The following FFAR4 variants were observed in gnomAD, a reference collection of about 807,000 sequenced individuals.
FFAR4 encodes the protein G-protein coupled receptor 120.
FFAR4 carries 19 observed loss-of-function variants against 27.0 expected under a neutral mutation model. The observed-to-expected ratio is 0.70, with a 90% CI of 0.49 to 1.03. FFAR4 has a LOEUF of 1.03. Ranked by LOEUF, FFAR4 falls within the 50% of genes least tolerant of loss-of-function variation. The pLI is 0.00. For synonymous variants in FFAR4, 254 were observed against 215.6 expected (o/e 1.18, Z -1.56); for missense variants, 476 against 479.0 (o/e 0.99, Z 0.06).
chr10:93,570,155 C>T (rs2134540252), intron 1 of FFAR4, among the ~76,000 whole-genome samples: 1 of 151,066 alleles, frequency 6.6e-6, no homozygotes, highest in South Asian at 2.1e-4. Context: ...GCCACATCCA[C>T]CTCATCTCTC....
At chr10:93,574,262 T>G (rs1460372272) in intron 1 of FFAR4, among the ~76,000 whole-genome samples, 1 of 152,190 alleles carries the variant, frequency 6.6e-6, no homozygotes, top group South Asian at 2.1e-4. Flanking sequence ...ACAAAAGTCT[T>G]GCTAACCCTG....
At chr10:93,585,690 C>G (rs193202793) in intron 2 of FFAR4, among the ~76,000 whole-genome samples, 1 of 152,298 alleles carries the variant, frequency 6.6e-6, no homozygotes, top group East Asian at 1.9e-4. Context: ...TTGCCCCCTT[C>G]TGTTGGTCAT....
chr10:93,585,504 A>G (rs1438614986), intron 2 of FFAR4, among the ~76,000 whole-genome samples: 4 of 152,126 alleles, frequency 2.6e-5, no homozygotes, highest in African/African-American at 7.2e-5. Context: ...TCATTTTTTG[A>G]TTATTTTACA....
intron 1 of FFAR4, among the ~76,000 whole-genome samples, chr10:93,575,812 A>G (rs1039974155): frequency 6.6e-6 from 1 of 152,204 alleles, no homozygotes; most frequent in East Asian, 1.9e-4. Flanking sequence ...GACCACACCT[A>G]GGAACCGACT....
intron 2 of FFAR4, among the ~76,000 whole-genome samples, chr10:93,583,973 T>C (rs990744082): frequency 5.3e-5 from 8 of 152,332 alleles, no homozygotes; most frequent in African/African-American, 1.9e-4. Flanking sequence ...ATGAAGCTGC[T>C]GTCAGAATCA....
rs771965298 is a variant in FFAR4 at position 93,587,282 on chromosome 10, C to G, written c.759C>G (p.Ile253Met). 2 of 1,614,162 alleles carry G rather than the reference C, an allele frequency of 1.2e-6. No individual in the cohort carries two copies. The highest frequency in any genetic ancestry group is 1.7e-6 in the Non-Finnish European group (2 of 1,180,006). Residue 253 changes from isoleucine to methionine, a missense_variant, in exon 3 of 3, where the codon ATC (isoleucine) becomes ATG (methionine). Coordinates refer to ENST00000371481, the MANE Select transcript of FFAR4 (RefSeq NM_001195755.2). ...VSLAYSESHQ[I>M]RVSQQDFRLF... ...TGGCCTACTCGGAGAGCCACCAGAT[C>G]CGCGTGTCCCAGCAGGACTTCCGGC... is the stretch of plus-strand genomic sequence containing the variant.
At chr10:93,586,806 C>A (rs182081077) in intron 2 of FFAR4, among the ~76,000 whole-genome samples, 116 of 152,300 alleles carry the variant, frequency 7.6e-4, no homozygotes, top group African/African-American at 2.6e-3. Flanking sequence ...ACGTTAGTCA[C>A]CTCCCAGGGT....
At chr10:93,572,914 G>A (rs2058140332) in intron 1 of FFAR4, among the ~76,000 whole-genome samples, 1 of 152,218 alleles carries the variant, frequency 6.6e-6, no homozygotes, top group Non-Finnish European at 1.5e-5. Context: ...AGACTGGGAT[G>A]AGGCAGAACA....
chr10:93,570,133 T>C (rs1389488967), intron 1 of FFAR4, among the ~76,000 whole-genome samples: 1 of 151,778 alleles, frequency 6.6e-6, no homozygotes, highest in Non-Finnish European at 1.5e-5. Flanking sequence ...TTGTCTTCTT[T>C]CCTACCTGTC....
Position 93,567,016 on chromosome 10 carries a change from G to T in FFAR4, c.296G>T (p.Arg99Leu). Residue 99 changes from arginine (R) to leucine (L), a missense_variant, in exon 1 of 3, where the codon CGC (arginine) becomes CTC (leucine). Physicochemically the swap from Arg to Leu is moderately radical, Grantham distance 102 (BLOSUM62 -2). Coordinates refer to ENST00000371481, the MANE Select transcript of FFAR4 (RefSeq NM_001195755.2). ...GCTATCCCTCTGGTGCTGGCCGTGC[G>T]CTGGACTGAGGCCTGGCTGCTGGGC... Reference protein sequence around the residue: ...ISAIPLVLAVRWTEAWLLGPV... With the variant: ...ISAIPLVLAVLWTEAWLLGPV... The T allele has an allele frequency of 1.2e-6, 2 of 1,611,744 alleles. No homozygotes were observed. Among genetic ancestry groups the T allele is most frequent in the South Asian group, 1.1e-5 (1 of 91,070 alleles).
chr10:93,581,251 T>A (rs2058195717), intron 2 of FFAR4, among the ~76,000 whole-genome samples: 1 of 152,200 alleles, frequency 6.6e-6, no homozygotes, highest in Non-Finnish European at 1.5e-5. Flanking sequence ...AGAAACAAAA[T>A]CTGTTTCCGC....
rs2058249697 is a variant in FFAR4 at position 93,589,454 on chromosome 10, T to C, written c.*1845T>C. On this transcript the variant is annotated 3_prime_UTR_variant, in exon 3 of 3. Coordinates refer to ENST00000371481, the MANE Select transcript of FFAR4 (RefSeq NM_001195755.2). ...GACTTGTAAATATACCTTGGGAAGGTAAAACAAAGATGATTTATTGATGGG... is the reference window on the plus strand; with the variant it reads ...GACTTGTAAATATACCTTGGGAAGGCAAAACAAAGATGATTTATTGATGGG... The C allele has an allele frequency of 6.6e-6, 1 of 151,994 alleles. No individual in the cohort carries two copies. The highest frequency in any genetic ancestry group is 1.5e-5 in the Non-Finnish European group (1 of 68,002). 9.4% of individuals were successfully genotyped at this position (151,994 alleles called of 1,614,324 possible). A position where few individuals can be genotyped will look rare whatever the true frequency, so the allele number is the denominator to read the frequency against.
At chr10:93,586,689 T>C (rs1447038710) in intron 2 of FFAR4, among the ~76,000 whole-genome samples, 1 of 152,152 alleles carries the variant, frequency 6.6e-6, no homozygotes, top group Non-Finnish European at 1.5e-5. Context: ...GTGCGTGGTG[T>C]GGGCCCATCT....
chr10:93,571,469 A>G (rs1174347479), intron 1 of FFAR4, among the ~76,000 whole-genome samples: 2 of 152,162 alleles, frequency 1.3e-5, no homozygotes, highest in Non-Finnish European at 2.9e-5. Flanking sequence ...CCCTAAGGTC[A>G]CAGAATTGCA....
intron 1 of FFAR4, among the ~76,000 whole-genome samples, chr10:93,575,770 G>A (rs1292019100): frequency 6.6e-6 from 1 of 152,206 alleles, no homozygotes; most frequent in African/African-American, 2.4e-5. Flanking sequence ...AGGCTCGAAA[G>A]CCCTTTGCAT....
chr10:93,587,834 C>T lies in FFAR4; in HGVS notation c.*225C>T, dbSNP rs1413132262. The T allele has an allele frequency of 1.1e-5, 5 of 456,098 alleles. No individual in the cohort carries two copies. The Admixed American group carries it at 1.8e-4, about 16-fold the overall frequency. The allele number at this position is 456,098 out of a possible 1,614,324, so 28.3% of individuals were successfully genotyped here. A position where few individuals can be genotyped will look rare whatever the true frequency, so the allele number is the denominator to read the frequency against. ...GGTGCAGTGGTTCATGCCTGTAATC[C>T]CAGCAGTTTGGGAGGCTGAGGTGGG... On this transcript the variant is annotated 3_prime_UTR_variant, in exon 3 of 3. Transcript: ENST00000371481.
chr10:93,569,721 C>T (rs1431209102), intron 1 of FFAR4, among the ~76,000 whole-genome samples: 1 of 151,230 alleles, frequency 6.6e-6, no homozygotes, highest in Admixed American at 6.6e-5. Context: ...GAGCCCTACT[C>T]ACTGAAATTA....
intron 2 of FFAR4, among the ~76,000 whole-genome samples, chr10:93,578,570 G>T (rs893278696): frequency 4.6e-5 from 7 of 152,074 alleles, no homozygotes; most frequent in Non-Finnish European, 5.9e-5. Flanking sequence ...ACCATCTCTG[G>T]GCCTCAGTTT....
At chr10:93,582,597 G>A (rs1357039096) in intron 2 of FFAR4, among the ~76,000 whole-genome samples, 2 of 150,854 alleles carry the variant, frequency 1.3e-5, no homozygotes, top group Non-Finnish European at 3.0e-5. Context: ...GTCCATGAGT[G>A]AGCCCACTTT....
Sources: gnomAD v4.1 joint callset for allele counts (sites outside exome capture counted in the v4.1 genomes callset) on GRCh38, gnomAD v4.1.1 for gene constraint, MANE v1.5 for transcripts, NCBI Gene and HGNC (gene_info 2026-07-23, HGNC 2026-07-21) for gene names.